The following FREM2 variants were observed in gnomAD, a reference collection of about 807,000 sequenced individuals.
FREM2 encodes the protein FRAS1-related extracellular matrix protein 2.
Under a neutral mutation model 219.9 loss-of-function variants are expected in FREM2, and 119 were observed. The ratio of observed to expected loss-of-function variants is 0.54; its 90% confidence interval spans 0.47 to 0.63. The LOEUF is 0.63. Ranked by LOEUF, FREM2 falls within the 30% of genes least tolerant of loss-of-function variation. The pLI, the probability that FREM2 is intolerant of heterozygous loss-of-function variation, is 0.00. For synonymous variants in FREM2, 1,562 were observed against 1,522.8 expected (o/e 1.03, Z -0.60); for missense variants, 4,030 against 3,993.6 (o/e 1.01, Z -0.25).
At chr13:38,760,164 T>C (rs1873172413) in intron 2 of FREM2, among the ~76,000 whole-genome samples, 1 of 152,232 alleles carries the variant, frequency 6.6e-6, no homozygotes, top group Admixed American at 6.5e-5. Flanking sequence ...TATTCTCTGG[T>C]TTAAAATCCC....
Position 38,688,352 on chromosome 13 carries a change from G to T in FREM2, c.1008G>T (p.Thr336=). The change falls in exon 1 of 24, where the codon ACG becomes ACT. Residue 336 remains threonine (T), a synonymous_variant. Coordinates refer to ENST00000280481, the MANE Select transcript of FREM2 (RefSeq NM_207361.6). ...TGGAGGTGGACCAGTTTGTACTGAC[G>T]GCCCTGACCCCAGACATGCTGGCAG... ...MMMEVDQFVL[T]ALTPDMLAAE... 6.2e-7 allele frequency: 1 copy of T among 1,614,162 alleles called. No homozygotes were observed.
At chr13:38,789,263 C>T (rs1481030770) in intron 6 of FREM2, among the ~76,000 whole-genome samples, 2 of 151,856 alleles carry the variant, frequency 1.3e-5, no homozygotes, top group Non-Finnish European at 2.9e-5. Context: ...TATTGTTTGG[C>T]TTCCTTAAAT....
In FREM2 at chr13:38,739,597, A is replaced by G. The variant is rs567886947; in HGVS notation, c.5264-24707A>G. ...TGATCATCCTTCTCTCTAAGACTCA[A>G]CCAAACTCCCAAATTTTCCAGGAAG... On this transcript the variant is annotated intron_variant, in intron 2 of 23. Transcript: ENST00000280481. Among the ~76,000 whole-genome samples, 26 of 152,178 alleles carry G rather than the reference A, an allele frequency of 1.7e-4. No homozygotes were observed. The East Asian group carries it at 4.6e-3, about 27-fold the overall frequency.
In FREM2 at chr13:38,690,389, A is replaced by G. The variant is rs767334311; in HGVS notation, c.3045A>G (p.Val1015=). The G allele has an allele frequency of 6.2e-6, 10 of 1,613,994 alleles. No individual in the cohort carries two copies. In the Admixed American group the frequency reaches 1.3e-4, roughly 22 times the overall value. Reference sequence around the variant, plus strand: ...GGGACATCTTGGAGGGCTCTGTTGTATATACCCACACCAGTGGTGAGATAG... The same window carrying G: ...GGGACATCTTGGAGGGCTCTGTTGTGTATACCCACACCAGTGGTGAGATAG... The part of the protein sequence containing the change: ...TQRDILEGSV[V]YTHTSGEIGL... The change falls in exon 1 of 24, where the codon GTA becomes GTG. Residue 1015 remains valine (V), a synonymous_variant. Coordinates refer to ENST00000280481, the MANE Select transcript of FREM2 (RefSeq NM_207361.6).
In FREM2 at chr13:38,883,781, A is replaced by G. The variant is rs929019082; in HGVS notation, c.*2994A>G. 6.6e-6 allele frequency: 1 copy of G among 152,202 alleles called. No homozygotes were observed. The highest frequency in any genetic ancestry group is 1.5e-5 in the Non-Finnish European group (1 of 68,028). 9.4% of individuals were successfully genotyped at this position (152,202 alleles called of 1,614,324 possible). A position where few individuals can be genotyped will look rare whatever the true frequency, so the allele number is the denominator to read the frequency against. ...AAAACACAACAGTCATTATCTGTGA[A>G]CCATAATTTAAAAATCTTTCTAGAA... On this transcript the variant is annotated 3_prime_UTR_variant, in exon 24 of 24. Transcript: ENST00000280481.
intron 3 of FREM2, among the ~76,000 whole-genome samples, chr13:38,766,906 G>T (rs183724718): frequency 5.9e-5 from 9 of 152,148 alleles, no homozygotes; most frequent in East Asian, 1.9e-4. Flanking sequence ...ACATACCAGG[G>T]GCTGTGTTAG....
Position 38,880,922 on chromosome 13 carries a change from A to C in FREM2, c.*135A>C. 9.7e-7 allele frequency: 1 copy of C among 1,025,956 alleles called. No individual in the cohort carries two copies. Among genetic ancestry groups the C allele is most frequent in the Non-Finnish European group, 1.5e-6 (1 of 678,732 alleles). The allele number at this position is 1,025,956 out of a possible 1,614,324, so 63.6% of individuals were successfully genotyped here. On this transcript the variant is annotated 3_prime_UTR_variant, in exon 24 of 24. Transcript: ENST00000280481. ...CTGCTTAGAGAATATGACTGTACTA[A>C]TGGAGTTTGATTTGAATTCTCCATA...
intron 6 of FREM2, among the ~76,000 whole-genome samples, chr13:38,830,921 A>G (rs1215439021): frequency 6.6e-6 from 1 of 152,182 alleles, no homozygotes; most frequent in Non-Finnish European, 1.5e-5. Flanking sequence ...ATATGTGTAC[A>G]TTCACCTGAA....
intron 6 of FREM2, among the ~76,000 whole-genome samples, chr13:38,832,916 G>C (rs1876566292): frequency 6.6e-6 from 1 of 152,040 alleles, no homozygotes; most frequent in South Asian, 2.1e-4. Flanking sequence ...ATGCACGCTT[G>C]TAGTCCCAGC....
intron 16 of FREM2, among the ~76,000 whole-genome samples, chr13:38,865,841 G>A (rs180961023): frequency 1.3e-5 from 2 of 152,346 alleles, no homozygotes; most frequent in African/African-American, 4.8e-5. Flanking sequence ...GGCTCTGATA[G>A]TTTCTAGCTG....
chr13:38,871,681 C>G (rs1258625568), intron 16 of FREM2, among the ~76,000 whole-genome samples: 3 of 152,126 alleles, frequency 2.0e-5, no homozygotes, highest in Non-Finnish European at 4.4e-5. Flanking sequence ...ATCTTTGTCT[C>G]TTTCTATCCG....
chr13:38,723,535 T>G (rs147585289), intron 2 of FREM2, among the ~76,000 whole-genome samples: 1 of 152,300 alleles, frequency 6.6e-6, no homozygotes, highest in African/African-American at 2.4e-5. Context: ...GAAAAGATTT[T>G]TAGGATCCTT....
intron 4 of FREM2, among the ~76,000 whole-genome samples, chr13:38,780,705 C>G (rs1217164196): frequency 6.6e-6 from 1 of 152,164 alleles, no homozygotes; most frequent in East Asian, 1.9e-4. Context: ...ACTTTTTTGG[C>G]AATCAGCCTC....
Position 38,688,494 on chromosome 13 carries a change from A to G in FREM2, c.1150A>G (p.Thr384Ala), listed in dbSNP as rs772144822. 3 of 1,613,386 alleles carry G rather than the reference A, an allele frequency of 1.9e-6. No homozygotes were observed. The Admixed American group carries it at 5.0e-5, about 27-fold the overall frequency. Residue 384 changes from threonine to alanine, a missense_variant, in exon 1 of 24, where the codon ACT (threonine) becomes GCT (alanine). By Grantham distance (58) the Thr-to-Ala change is moderately conservative (BLOSUM62 0). This residue lies in a region of FREM2 where 3,102 missense variants were observed against 2,950.7 expected (regional missense o/e 1.05). Coordinates refer to ENST00000280481, the MANE Select transcript of FREM2 (RefSeq NM_207361.6). ...TCGCAGCCTGCCCCTTTCCTCCTTCACTCAGAGGGATCTGCGGCTCCTGAA... is the reference window on the plus strand; with the variant it reads ...TCGCAGCCTGCCCCTTTCCTCCTTCGCTCAGAGGGATCTGCGGCTCCTGAA... Reference protein sequence around the residue: ...DDRSLPLSSFTQRDLRLLKIA... With the variant: ...DDRSLPLSSFAQRDLRLLKIA...
chr13:38,757,769 T>G (rs2137802135), intron 2 of FREM2, among the ~76,000 whole-genome samples: 1 of 152,170 alleles, frequency 6.6e-6, no homozygotes, highest in Non-Finnish European at 1.5e-5. Context: ...TTTTGTATTT[T>G]TAGTAGAGAC....
At position 38,687,174 on chromosome 13, in the gene FREM2, G is replaced by C. The variant is rs1217034819; in HGVS notation, c.-171G>C. ...GGCTCCTCGGCTGCGGCTCCAGCCC[G>C]GACGGCGCCGCGCAACTTTGCCATC... is the stretch of plus-strand genomic sequence containing the variant. On this transcript the variant is annotated 5_prime_UTR_variant, in exon 1 of 24. Coordinates refer to ENST00000280481, the MANE Select transcript of FREM2 (RefSeq NM_207361.6). 2.2e-6 allele frequency: 2 copies of C among 915,338 alleles called. No homozygotes were observed. Among genetic ancestry groups the C allele is most frequent in the East Asian group, 2.7e-5 (1 of 37,258 alleles). 56.7% of individuals were successfully genotyped at this position (915,338 alleles called of 1,614,324 possible). A position where few individuals can be genotyped will look rare whatever the true frequency, so the allele number is the denominator to read the frequency against.
chr13:38,690,480 G>T lies in FREM2; in HGVS notation c.3136G>T (p.Gly1046Cys), dbSNP rs752774481. 2 of 1,614,200 alleles carry T rather than the reference G, an allele frequency of 1.2e-6. No individual in the cohort carries two copies. Among genetic ancestry groups the T allele is most frequent in the Middle Eastern group, 1.6e-4 (1 of 6,062 alleles). Residue 1046 changes from glycine to cysteine, a missense_variant, in exon 1 of 24, where the codon GGT (glycine) becomes TGT (cysteine). Physicochemically the swap from Gly to Cys is radical, Grantham distance 159 (BLOSUM62 -3). Transcript: ENST00000280481. Reference sequence around the variant, plus strand: ...AGATATGTCTCAAGAATGGAGAATTGGTGGCAATACTATCCAAGGAGTTAC... The same window carrying T: ...AGATATGTCTCAAGAATGGAGAATTTGTGGCAATACTATCCAAGGAGTTAC... ...LSDMSQEWRI[G>C]GNTIQGVTIW...
chr13:38,840,644 A>ATATATATATGTGTG (rs1184958401), intron 6 of FREM2, among the ~76,000 whole-genome samples: 1 of 134,268 alleles, frequency 7.4e-6, no homozygotes, highest in African/African-American at 2.9e-5. Flanking sequence ...ATATATATAT[A>ATATATATATGTGTG]TGTGTATGTA....
chr13:38,763,634 T>C (rs571936919), intron 2 of FREM2, among the ~76,000 whole-genome samples: 5 of 152,054 alleles, frequency 3.3e-5, no homozygotes, highest in Non-Finnish European at 7.4e-5. Flanking sequence ...CCCAACATAG[T>C]CGCTTTCACA....
Sources: gnomAD v4.1 joint callset for allele counts (sites outside exome capture counted in the v4.1 genomes callset) on GRCh38, gnomAD v4.1.1 for gene constraint, gnomAD v4.1.1 regional missense constraint, MANE v1.5 for transcripts, NCBI Gene and HGNC (gene_info 2026-07-23, HGNC 2026-07-21) for gene names.